The following TENM1 variants were observed in gnomAD, a reference collection of about 807,000 sequenced individuals.
The protein encoded by TENM1 is teneurin-1.
A neutral mutation model predicts 174.8 loss-of-function variants in TENM1; 35 were observed. The observed-to-expected ratio is 0.20, with a 90% CI of 0.15 to 0.27. The LOEUF (loss-of-function observed/expected upper bound fraction) is 0.27. Among genes scored for constraint, TENM1 ranks in the 10% least tolerant of loss-of-function variants. The probability of loss-of-function intolerance (pLI) is 1.00; values close to 1 mark genes in which losing one functional copy is unlikely to be tolerated. For synonymous variants in TENM1, 781 were observed against 798.7 expected, an observed-to-expected ratio of 0.98 and a Z score of 0.37; for missense variants, 1,633 against 2,130.1, an observed-to-expected ratio of 0.77 and a Z score of 4.59.
chrX:124,959,929 G>T (rs1019374232), intron 1 of TENM1, among the ~76,000 whole-genome samples: 1 of 111,403 alleles, frequency 9.0e-6, no homozygotes, highest in African/African-American at 3.3e-5. Flanking sequence ...CTTAGCTCTA[G>T]CCTAATTCAG....
At chrX:124,773,774 A>G (rs780879801) in intron 3 of TENM1, among the ~76,000 whole-genome samples, 3 of 111,924 alleles carry the variant, frequency 2.7e-5, no homozygotes, top group Non-Finnish European at 5.6e-5. Context: ...CTGCCCACTC[A>G]CACAAAGGGA....
At chrX:124,559,032 A>T (rs2048754563) in intron 14 of TENM1, among the ~76,000 whole-genome samples, 1 of 111,847 alleles carries the variant, frequency 8.9e-6, no homozygotes, top group Admixed American at 9.5e-5. Flanking sequence ...TAATTGATCC[A>T]TTCTTTAAAC....
chrX:124,621,511 C>G (rs1315867566), intron 11 of TENM1, among the ~76,000 whole-genome samples: 1 of 112,015 alleles, frequency 8.9e-6, no homozygotes, highest in East Asian at 2.8e-4. Flanking sequence ...GGACCCAAGT[C>G]TAAATATGAA....
At chrX:124,568,988 G>A (rs2048997941) in intron 11 of TENM1, among the ~76,000 whole-genome samples, 1 of 111,664 alleles carries the variant, frequency 9.0e-6, no homozygotes, top group Non-Finnish European at 1.9e-5. Context: ...CAGGTCACTT[G>A]AGCGCAGGAG....
chrX:124,736,999 T>C, exon 4 of TENM1: 1 of 1,211,558 alleles, frequency 8.3e-7, no homozygotes, highest in Non-Finnish European at 1.1e-6. Context: ...CCAGCTGTTA[T>C]GCAGATGGAC....
At chrX:125,032,843 G>A in the TENM1 span, among the ~76,000 whole-genome samples, 1 of 111,566 alleles carries the variant, frequency 9.0e-6, no homozygotes. Context: ...TCTGTCCCAA[G>A]GATTCTTGCA....
intron 4 of TENM1, among the ~76,000 whole-genome samples, chrX:124,722,416 G>GACAAATATACATCTC (rs1441962482): frequency 7.2e-5 from 8 of 111,423 alleles, no homozygotes; most frequent in South Asian, 3.8e-4. Context: ...CTTGCCCTCG[G>GACAAATATACATCTC]AAATATGATG....
intron 3 of TENM1, among the ~76,000 whole-genome samples, chrX:124,774,551 C>A (rs761973157): frequency 9.0e-6 from 1 of 111,340 alleles, no homozygotes; most frequent in East Asian, 2.8e-4. Flanking sequence ...GGAAGCATGA[C>A]CCGTCAGTAG....
rs529487596 is a variant in TENM1, at chrX:124,738,152, G to A, written c.536-955C>T. Among the ~76,000 whole-genome samples the A allele has an allele frequency of 1.3e-4, 15 of 111,895 alleles. No homozygotes were observed. In the South Asian group the frequency reaches 5.6e-3, roughly 42 times the overall value. On this transcript the variant is annotated intron_variant, in intron 3 of 31. Coordinates refer to ENST00000422452, the Ensembl canonical transcript of TENM1. ...CTTCCACAGGAGAAACATAATAGAT[G>A]TCAAGTGATTTCTTGTAACACCAGC...
intron 3 of TENM1, among the ~76,000 whole-genome samples, chrX:124,859,230 T>G (rs187060408): frequency 6.3e-5 from 7 of 111,017 alleles, no homozygotes; most frequent in Non-Finnish European, 1.9e-5. Flanking sequence ...GTATGTACAC[T>G]ATTCTCAAAA....
chrX:124,796,526 C>T (rs747174959), intron 3 of TENM1, among the ~76,000 whole-genome samples: 3 of 111,482 alleles, frequency 2.7e-5, no homozygotes, highest in African/African-American at 6.5e-5. Flanking sequence ...CGGGACTTCT[C>T]GACTTAAAAA....
At chrX:124,449,050 G>A (rs1186168312) in intron 23 of TENM1, among the ~76,000 whole-genome samples, 1 of 111,961 alleles carries the variant, frequency 8.9e-6, no homozygotes, top group Non-Finnish European at 1.9e-5. Flanking sequence ...TCTTTAGTGT[G>A]TCTCAGGCAC....
exon 11 of TENM1, chrX:124,641,825 A>G (rs1249015892): frequency 1.7e-6 from 2 of 1,209,991 alleles, no homozygotes; most frequent in African/African-American, 3.5e-5. Context: ...ACTTGGGATC[A>G]CAGCTGCATA....
intron 12 of TENM1, among the ~76,000 whole-genome samples, chrX:124,564,778 G>T (rs887616912): frequency 3.6e-5 from 4 of 111,673 alleles, no homozygotes; most frequent in African/African-American, 1.3e-4. Flanking sequence ...CATATTCACA[G>T]ATCATTTTCC....
chrX:124,846,838 A>C (rs1266660617), intron 3 of TENM1, among the ~76,000 whole-genome samples: 1 of 111,665 alleles, frequency 9.0e-6, no homozygotes, highest in Non-Finnish European at 1.9e-5. Flanking sequence ...TAAAGCTGCC[A>C]TCAGTTTGCC....
At chrX:124,874,153 G>T (rs2057157424) in intron 3 of TENM1, among the ~76,000 whole-genome samples, 1 of 111,615 alleles carries the variant, frequency 9.0e-6, no homozygotes, top group African/African-American at 3.2e-5. Flanking sequence ...AAGAGAAACT[G>T]CTGGATCAAA....
chrX:125,101,983 T>A, the TENM1 span, among the ~76,000 whole-genome samples: 1 of 111,593 alleles, frequency 9.0e-6, no homozygotes, highest in South Asian at 3.7e-4. Flanking sequence ...AGACAAGACT[T>A]ACATCCAAAG....
chrX:125,139,261 T>C, the TENM1 span, among the ~76,000 whole-genome samples: 2 of 109,348 alleles, frequency 1.8e-5, no homozygotes, highest in Non-Finnish European at 3.8e-5. Flanking sequence ...AGTGAGAGAA[T>C]GGGGGGATGA....
intron 3 of TENM1, among the ~76,000 whole-genome samples, chrX:124,869,091 G>T (rs2057061538): frequency 9.3e-6 from 1 of 107,682 alleles, no homozygotes; most frequent in Admixed American, 1.0e-4. Context: ...AAATTAGCCA[G>T]GCATGGTGAT....
Sources: gnomAD v4.1 joint callset for allele counts (sites outside exome capture counted in the v4.1 genomes callset) on GRCh38, gnomAD v4.1.1 for gene constraint, MANE v1.5 for transcripts, NCBI Gene and HGNC (gene_info 2026-07-23, HGNC 2026-07-21) for gene names.